ZW10: variants seen among roughly 807,000 people sequenced by gnomAD.
ZW10 encodes the protein zw10 kinetochore protein, also known as centromere/kinetochore protein zw10 homolog.
A neutral mutation model predicts 87.8 loss-of-function variants in ZW10; 53 were observed. That is an observed-to-expected ratio of 0.60 (90% CI 0.48 to 0.76). The LOEUF (loss-of-function observed/expected upper bound fraction) is 0.76, where lower values mean the gene tolerates loss of function less well. ZW10 is among the 30% of genes least tolerant of loss of function. The probability of loss-of-function intolerance (pLI) is 0.00; values close to 1 mark genes in which losing one functional copy is unlikely to be tolerated. For synonymous variants in ZW10, 312 were observed against 329.2 expected, an observed-to-expected ratio of 0.95 and a Z score of 0.57; for missense variants, 837 against 923.0, an observed-to-expected ratio of 0.91 and a Z score of 1.21.
rs530893890 is a variant in ZW10 at position 113,739,702 on chromosome 11, C to G, written c.1584-320G>C. Among the ~76,000 whole-genome samples, 20 of 152,300 alleles carry G rather than the reference C, an allele frequency of 1.3e-4. No homozygotes were observed. The South Asian group carries it at 3.9e-3, about 30-fold the overall frequency. ...ATAATAATGTCCTTGAAATTTTACA[C>G]GGATACATCTATGGAAATACAGGTT... On this transcript the variant is annotated intron_variant, in intron 11 of 15. Transcript: ENST00000200135.
In ZW10 at chr11:113,736,892, A is replaced by C; in HGVS notation, c.2017-70T>G. Reference sequence around the variant, plus strand: ...CTCAGAAGTGGGGAAAGGGCAGCAGATCTTTGATGCATGCTGTCCAGGTGG... The same window carrying C: ...CTCAGAAGTGGGGAAAGGGCAGCAGCTCTTTGATGCATGCTGTCCAGGTGG... On this transcript the variant is annotated intron_variant, in intron 14 of 15. Transcript: ENST00000200135. 4.9e-6 allele frequency: 7 copies of C among 1,441,828 alleles called. No homozygotes were observed. The South Asian group carries it at 8.1e-5, about 17-fold the overall frequency. 89.3% of individuals were successfully genotyped at this position (1,441,828 alleles called of 1,614,324 possible).
intron 2 of ZW10, among the ~76,000 whole-genome samples, chr11:113,768,599 T>C (rs1470689850): frequency 1.3e-5 from 2 of 152,212 alleles, no homozygotes; most frequent in African/African-American, 4.8e-5. Flanking sequence ...ATTACAGGCA[T>C]GATGCACCGG....
intron 6 of ZW10, 121 bp from the exon 7 acceptor site, chr11:113,757,974 C>G: frequency 1.5e-6 from 1 of 673,970 alleles, no homozygotes; most frequent in Non-Finnish European, 2.3e-6. Flanking sequence ...TCATCTGAGG[C>G]CAGCCTGGCC....
intron 7 of ZW10, among the ~76,000 whole-genome samples, chr11:113,752,792 A>C (rs1953747485): frequency 6.6e-6 from 1 of 152,116 alleles, no homozygotes; most frequent in Non-Finnish European, 1.5e-5. Context: ...AATTAGACCA[A>C]CTAATAACCC....
chr11:113,759,308 C>T (rs1202442162), intron 5 of ZW10, among the ~76,000 whole-genome samples: 1 of 152,048 alleles, frequency 6.6e-6, no homozygotes, highest in Non-Finnish European at 1.5e-5. Context: ...ACACACCTGC[C>T]CTCTTCTCTT....
In ZW10 at chr11:113,760,572, C is replaced by G; in HGVS notation, c.361G>C (p.Glu121Gln). 1 of 1,612,534 alleles carries G rather than the reference C, an allele frequency of 6.2e-7. No homozygotes were observed. Among genetic ancestry groups the G allele is most frequent in the Non-Finnish European group, 8.5e-7 (1 of 1,179,258 alleles). The change falls in exon 4 of 16, where the codon GAA becomes CAA. Residue 121 changes from glutamate (E) to glutamine (Q), a missense_variant. Coordinates refer to ENST00000200135, the MANE Select transcript of ZW10 (RefSeq NM_004724.4). ...TTCTCTGTTAATGCACAATTATATT[C>G]TTCAATAGCAGTGGAAAACTGAAAA... Reference protein sequence around the residue: ...QLQEFSTAIEEYNCALTEKKY... With the variant: ...QLQEFSTAIEQYNCALTEKKY...
chr11:113,740,656 G>C (rs897603980), intron 11 of ZW10, among the ~76,000 whole-genome samples: 3 of 152,208 alleles, frequency 2.0e-5, no homozygotes, highest in Non-Finnish European at 4.4e-5. Context: ...CCAAAGCTGA[G>C]AACCGTTATC....
At chr11:113,736,211 G>C (rs1447043953) in intron 15 of ZW10, among the ~76,000 whole-genome samples, 1 of 151,998 alleles carries the variant, frequency 6.6e-6, no homozygotes, top group African/African-American at 2.4e-5. Flanking sequence ...CGAGTTTGAG[G>C]CTGCAGTGAG....
chr11:113,736,157 C>A (rs1278055767), intron 15 of ZW10, among the ~76,000 whole-genome samples: 1 of 151,742 alleles, frequency 6.6e-6, no homozygotes, highest in Non-Finnish European at 1.5e-5. Flanking sequence ...CACCTGTAAT[C>A]CCAGCTACTC....
chr11:113,735,192 G>GA (rs546664633), intron 15 of ZW10, among the ~76,000 whole-genome samples: 4 of 151,962 alleles, frequency 2.6e-5, no homozygotes, highest in African/African-American at 7.3e-5. Flanking sequence ...ATCTCTGGGG[G>GA]AAAAAAATTT....
chr11:113,750,494 G>A (rs912681261), intron 7 of ZW10, among the ~76,000 whole-genome samples: 4 of 152,010 alleles, frequency 2.6e-5, no homozygotes, highest in Admixed American at 1.3e-4. Flanking sequence ...AGTAGAGATG[G>A]GGTTTCACCA....
At chr11:113,750,595 C>T (rs546590008) in intron 7 of ZW10, among the ~76,000 whole-genome samples, 16 of 152,168 alleles carry the variant, frequency 1.1e-4, no homozygotes, top group African/African-American at 3.9e-4. Context: ...TGAGCCACCG[C>T]GCCTGGCTAC....
At position 113,738,245 on chromosome 11, in the gene ZW10, G is replaced by A. The variant is rs1953574374; in HGVS notation, c.1884+19C>T. 1.3e-6 allele frequency: 2 copies of A among 1,576,300 alleles called. No homozygotes were observed. Among genetic ancestry groups the A allele is most frequent in the Non-Finnish European group, 1.7e-6 (2 of 1,166,724 alleles). On this transcript the variant is annotated intron_variant, in intron 13 of 15. Transcript: ENST00000200135. Reference sequence around the variant, plus strand: ...CTAAGGATAGAATACAAATTTCAGTGCTAGCAAGAGCCTCCTACCTGCCGG... The same window carrying A: ...CTAAGGATAGAATACAAATTTCAGTACTAGCAAGAGCCTCCTACCTGCCGG...
intron 11 of ZW10, among the ~76,000 whole-genome samples, chr11:113,740,312 G>T (rs550896062): frequency 6.6e-6 from 1 of 152,210 alleles, no homozygotes; most frequent in South Asian, 2.1e-4. Flanking sequence ...AAGTCTGGCC[G>T]GTGCAGTGGC....
intron 9 of ZW10, among the ~76,000 whole-genome samples, chr11:113,744,483 TAA>T (rs1331407835): frequency 2.0e-5 from 3 of 152,174 alleles, no homozygotes; most frequent in African/African-American, 7.2e-5. Context: ...ACAGAGTAAT[TAA>T]AAGATTTCAA....
intron 9 of ZW10, among the ~76,000 whole-genome samples, chr11:113,746,651 A>G (rs1591413156): frequency 6.6e-6 from 1 of 152,200 alleles, no homozygotes; most frequent in South Asian, 2.1e-4. Flanking sequence ...AGGGGAGGTT[A>G]TAATTTTTTT....
Position 113,733,595 on chromosome 11 carries a change from A to G in ZW10, c.*99T>C. ...TCAAACTTCCAAGATGTACTGGTTC[A>G]CCAAAACCAATGGGCGATTCAAAGA... On this transcript the variant is annotated 3_prime_UTR_variant, in exon 16 of 16. Coordinates refer to ENST00000200135, the MANE Select transcript of ZW10 (RefSeq NM_004724.4). 1 of 1,551,612 alleles carries G rather than the reference A, an allele frequency of 6.4e-7. No individual in the cohort carries two copies. The highest frequency in any genetic ancestry group is 8.8e-7 in the Non-Finnish European group (1 of 1,135,010).
chr11:113,755,552 T>C (rs919871739), intron 7 of ZW10, among the ~76,000 whole-genome samples: 5 of 152,224 alleles, frequency 3.3e-5, no homozygotes, highest in Middle Eastern at 3.2e-3. Context: ...GCTGTGAACA[T>C]TGTTTATATG....
At chr11:113,753,938 C>T (rs1020933168) in intron 7 of ZW10, among the ~76,000 whole-genome samples, 104 of 152,180 alleles carry the variant, frequency 6.8e-4, no homozygotes, top group African/African-American at 2.4e-3. Context: ...CAGCAAGTGC[C>T]AATGGAAAAG....
Sources: allele counts gnomAD v4.1 joint callset (sites outside exome capture counted in the v4.1 genomes callset), GRCh38; gene constraint gnomAD v4.1.1; transcripts MANE v1.5; gene names NCBI Gene and HGNC (gene_info 2026-07-23, HGNC 2026-07-21).